GSDME: variants seen among roughly 807,000 people sequenced by gnomAD.
GSDME encodes the protein gasdermin-E.
In GSDME, 44 loss-of-function variants were observed where a neutral mutation model predicts 47.5. The ratio of observed to expected loss-of-function variants is 0.93; its 90% CI spans 0.73 to 1.19. The LOEUF (loss-of-function observed/expected upper bound fraction) is 1.19. GSDME is among the 50% of genes most tolerant of loss of function. GSDME has a pLI of 0.00. For synonymous variants in GSDME, 258 were observed against 252.8 expected (o/e 1.02, Z -0.20); for missense variants, 663 against 604.2 (o/e 1.10, Z -1.02).
At position 24,698,727 on chromosome 7, in the gene GSDME, T is replaced by A. The variant is rs577672103; in HGVS notation, c.*299A>T. Reference sequence around the variant, plus strand: ...GGAATGCAAGTGACAGATGGACTTATTATTGTGCAGAAAAAACGTCTGAAT... The same window carrying A: ...GGAATGCAAGTGACAGATGGACTTAATATTGTGCAGAAAAAACGTCTGAAT... On this transcript the variant is annotated 3_prime_UTR_variant, in exon 10 of 10. Transcript: ENST00000645220. 9.4e-6 allele frequency: 4 copies of A among 424,754 alleles called. No homozygotes were observed. Among genetic ancestry groups the A allele is most frequent in the African/African-American group, 8.1e-5 (4 of 49,582 alleles). 26.3% of individuals were successfully genotyped at this position (424,754 alleles called of 1,614,324 possible). A position where few individuals can be genotyped will look rare whatever the true frequency, so the allele number is the denominator to read the frequency against.
chr7:24,711,851 T>C (rs1465561829), intron 5 of GSDME, among the ~76,000 whole-genome samples: 2 of 150,370 alleles, frequency 1.3e-5, no homozygotes, highest in African/African-American at 4.9e-5. Flanking sequence ...AAATGTTTTC[T>C]CAAACACTTC....
At chr7:24,730,660 C>G (rs2237320) in intron 3 of GSDME, among the ~76,000 whole-genome samples, 29,265 of 151,834 alleles carry the variant, frequency 0.19, 5,026 homozygotes, top group East Asian at 0.75. Context: ...ACTAAAAATG[C>G]AAAAATTAGC....
the GSDME span, among the ~76,000 whole-genome samples, chr7:24,767,011 T>C: frequency 3.3e-5 from 5 of 152,174 alleles, no homozygotes; most frequent in Admixed American, 2.0e-4. The surrounding 1 kb of genome is among the most constrained non-coding windows in gnomAD (Gnocchi z 5.3). Flanking sequence ...GGGCATGAGA[T>C]GTTATTTTTA....
chr7:24,706,267 AAGCTGCACCCCACC>A lies in GSDME; in HGVS notation c.1086_1099del (p.Val363ThrfsTer32), dbSNP rs1789097329. 6.2e-7 allele frequency: 1 copy of A among 1,614,142 alleles called. No homozygotes were observed. Among genetic ancestry groups the A allele is most frequent in the Non-Finnish European group, 8.5e-7 (1 of 1,180,018 alleles). ...CTCGGGGCCCGGACACCCACCCTGT[AAGCTGCACCCCACC>A]AGCTGCAGGAAGGCCACAAGGTCCT... On this transcript the variant is annotated frameshift_variant, in exon 8 of 10. Transcript: ENST00000645220. LOFTEE classifies it high-confidence loss of function.
At chr7:24,794,324 T>C in the GSDME span, among the ~76,000 whole-genome samples, 1 of 150,408 alleles carries the variant, frequency 6.6e-6, no homozygotes. Flanking sequence ...CTTTTCTCTC[T>C]GCTGGTCTTT....
Position 24,724,297 on chromosome 7 carries a change from A to T in GSDME, c.405-5079T>A, listed in dbSNP as rs750154267. Among the ~76,000 whole-genome samples, 10 of 152,144 alleles carry T rather than the reference A, an allele frequency of 6.6e-5. No homozygotes were observed. Among genetic ancestry groups the T allele is most frequent in the Non-Finnish European group, 1.2e-4 (8 of 68,020 alleles). On this transcript the variant is annotated intron_variant, in intron 3 of 9. Transcript: ENST00000645220. This position sits in a 1 kb window ranked among gnomAD's most constrained non-coding sequence, Gnocchi z 4.8. The stretch of plus-strand genomic sequence containing the variant: ...TGCTATCCACCCAGCTGGGGGATAA[A>T]ATGAATGGTTTATCACATAAACCCG...
Position 24,714,824 on chromosome 7 carries a change from G to C in GSDME, c.697+2430C>G, listed in dbSNP as rs1789486083. On this transcript the variant is annotated intron_variant, in intron 5 of 9. Transcript: ENST00000645220. This position sits in a 1 kb window ranked among gnomAD's most constrained non-coding sequence, Gnocchi z 5.0. Reference sequence around the variant, plus strand: ...TCGCATGGGGACCACCACCTAGAGTGGCAGCCCAGGCCTGGGTCCCCGCCA... The same window carrying C: ...TCGCATGGGGACCACCACCTAGAGTCGCAGCCCAGGCCTGGGTCCCCGCCA... 6.6e-6 allele frequency among the ~76,000 whole-genome samples: 1 copy of C among 152,160 alleles called. No individual in the cohort carries two copies. Among genetic ancestry groups the C allele is most frequent in the African/African-American group, 2.4e-5 (1 of 41,434 alleles).
At position 24,699,002 on chromosome 7, in the gene GSDME, C is replaced by T. The variant is rs199887441; in HGVS notation, c.*24G>A. The T allele has an allele frequency of 2.5e-4, 377 of 1,517,972 alleles. 2 individuals are homozygous for T. The highest frequency in any genetic ancestry group is 1.6e-3 in the Admixed American group (98 of 59,550). The allele number at this position is 1,517,972 out of a possible 1,614,324, so 94.0% of individuals were successfully genotyped here. A position where few individuals can be genotyped will look rare whatever the true frequency, so the allele number is the denominator to read the frequency against. The stretch of plus-strand genomic sequence containing the variant: ...TGAAAAATAGCCTTGGCCAGTAACA[C>T]GTACTTCTAGTTCACATATGACATC... On this transcript the variant is annotated 3_prime_UTR_variant, in exon 10 of 10. Coordinates refer to ENST00000645220, the MANE Select transcript of GSDME (RefSeq NM_001127453.2).
At chr7:24,760,126 G>C (rs950184308), upstream of GSDME, among the ~76,000 whole-genome samples, 7 of 152,182 alleles carry the variant, frequency 4.6e-5, no homozygotes, top group African/African-American at 1.7e-4. The surrounding 1 kb of genome is among the most constrained non-coding windows in gnomAD (Gnocchi z 4.2). Flanking sequence ...CTTTCAAAAA[G>C]ATTCGTTATA....
chr7:24,701,052 C>G (rs1788844676), intron 9 of GSDME, among the ~76,000 whole-genome samples: 1 of 152,204 alleles, frequency 6.6e-6, no homozygotes, highest in Non-Finnish European at 1.5e-5. Context: ...GTATCTGGCA[C>G]TGTACTCCCA....
chr7:24,739,379 T>A lies in GSDME; in HGVS notation c.404+5183A>T, dbSNP rs1790414456. Among the ~76,000 whole-genome samples the A allele has an allele frequency of 6.6e-6, 1 of 152,206 alleles. No homozygotes were observed. The highest frequency in any genetic ancestry group is 2.4e-5 in the African/African-American group (1 of 41,462). On this transcript the variant is annotated intron_variant, in intron 3 of 9. Transcript: ENST00000645220. The surrounding 1 kb of genome is among the most constrained non-coding windows in gnomAD (Gnocchi z 5.1). ...GTCAGACAGGCATATGAAAATGTGC[T>A]CAACATCATTGATCATCAGGGAAAT...
At chr7:24,737,592 C>T (rs1790350487) in intron 3 of GSDME, among the ~76,000 whole-genome samples, 1 of 152,118 alleles carries the variant, frequency 6.6e-6, no homozygotes. Context: ...GAATACCAAT[C>T]CTACTCAAAC....
Position 24,757,037 on chromosome 7 carries a change from T to G in GSDME, c.-20+359A>C, listed in dbSNP as rs2128069147. On this transcript the variant is annotated intron_variant, in intron 1 of 9. Coordinates refer to ENST00000645220, the MANE Select transcript of GSDME (RefSeq NM_001127453.2). This position sits in a 1 kb window ranked among gnomAD's most constrained non-coding sequence, Gnocchi z 5.9. ...GGATGAACGAATGGGGAGGGGGGGT[T>G]TGGGGGGTTGGGAGAACGAAAATAC... Among the ~76,000 whole-genome samples the G allele has an allele frequency of 2.7e-5, 4 of 150,358 alleles. No homozygotes were observed. Among genetic ancestry groups the G allele is most frequent in the African/African-American group, 2.4e-5 (1 of 40,852 alleles).
At chr7:24,727,672 T>A (rs527552592) in intron 3 of GSDME, among the ~76,000 whole-genome samples, 2 of 152,358 alleles carry the variant, frequency 1.3e-5, no homozygotes, top group African/African-American at 4.8e-5. Flanking sequence ...TTGTGACATT[T>A]CATTAAGTGG....
At chr7:24,760,522 A>G (rs1364686744), upstream of GSDME, among the ~76,000 whole-genome samples, 2 of 152,262 alleles carry the variant, frequency 1.3e-5, no homozygotes, top group Non-Finnish European at 2.9e-5. The surrounding 1 kb of genome is among the most constrained non-coding windows in gnomAD (Gnocchi z 4.2). Flanking sequence ...ATGAGATTAT[A>G]TAAAGTACTC....
intron 3 of GSDME, among the ~76,000 whole-genome samples, chr7:24,741,016 A>G (rs912769924): frequency 2.0e-5 from 3 of 152,198 alleles, no homozygotes; most frequent in African/African-American, 7.2e-5. Context: ...CGCGCTCCAG[A>G]GTCCACTCAC....
rs1176798000 is a variant in GSDME, at chr7:24,744,960, G to GGCACACA, written c.212-213_212-207dup. The stretch of plus-strand genomic sequence containing the variant: ...TGTGTGTGTGTGTGTGTGGACCGCG[G>GGCACACA]GCACACAGTGGACCAGTGCAGCACG... On this transcript the variant is annotated intron_variant, in intron 2 of 9. Transcript: ENST00000645220. The surrounding 1 kb of genome is among the most constrained non-coding windows in gnomAD (Gnocchi z 4.5). Among the ~76,000 whole-genome samples the GGCACACA allele has an allele frequency of 7.0e-6, 1 of 143,038 alleles. No homozygotes were observed. The highest frequency in any genetic ancestry group is 2.6e-5 in the African/African-American group (1 of 38,900). 93.8% of individuals were successfully genotyped at this position (143,038 alleles called of 152,430 possible). A position where few individuals can be genotyped will look rare whatever the true frequency, so the allele number is the denominator to read the frequency against.
rs1161867133 is a variant in GSDME at position 24,728,859 on chromosome 7, GAT to G, written c.405-9643_405-9642del. ...TGGGCCTCCACTTCCAACACAGTGA[GAT>G]AAGCCCTGCTCTTTCTCTCTCTGTC... On this transcript the variant is annotated intron_variant, in intron 3 of 9. Coordinates refer to ENST00000645220, the MANE Select transcript of GSDME (RefSeq NM_001127453.2). The surrounding 1 kb of genome is among the most constrained non-coding windows in gnomAD (Gnocchi z 7.2). Among the ~76,000 whole-genome samples, 1 of 152,220 alleles carries G rather than the reference GAT, an allele frequency of 6.6e-6. No individual in the cohort carries two copies. The highest frequency in any genetic ancestry group is 2.4e-5 in the African/African-American group (1 of 41,462).
At chr7:24,760,459 G>A (rs891037683), upstream of GSDME, among the ~76,000 whole-genome samples, 2 of 152,166 alleles carry the variant, frequency 1.3e-5, no homozygotes, top group Non-Finnish European at 2.9e-5. The surrounding 1 kb of genome is among the most constrained non-coding windows in gnomAD (Gnocchi z 4.2). Flanking sequence ...CCAGCTGAGT[G>A]ACTTTAGGCA....
Sources: gnomAD v4.1 joint callset for allele counts (sites outside exome capture counted in the v4.1 genomes callset) on GRCh38, gnomAD v4.1.1 for gene constraint, Gnocchi (gnomAD v3.1) non-coding constraint, MANE v1.5 for transcripts, NCBI Gene and HGNC (gene_info 2026-07-23, HGNC 2026-07-21) for gene names.